The following RTL10 variants were observed in gnomAD, a reference collection of about 807,000 sequenced individuals.
RTL10 encodes protein Bop.
For missense variants in RTL10, 477 were observed against 470.7 expected (o/e 1.01, Z -0.12); for synonymous variants, 199 against 188.4 (o/e 1.06, Z -0.46).
chr22:19,852,223 A>G lies in RTL10; in HGVS notation c.39T>C (p.Ile13=), dbSNP rs975879089. 17 of 1,612,662 alleles carry G rather than the reference A, an allele frequency of 1.1e-5. No individual in the cohort carries two copies. The African/African-American group carries it at 2.1e-4, about 20-fold the overall frequency. The part of the protein sequence containing the change: ...RGRCRQQGPR[I]PIWAAANYAN... ...CATAATTGGCGGCTGCCCAGATGGGAATGCGAGGGCCCTGCTGACGGCACC... is the reference window on the plus strand; with the variant it reads ...CATAATTGGCGGCTGCCCAGATGGGGATGCGAGGGCCCTGCTGACGGCACC... Residue 13 remains isoleucine (I), a synonymous_variant, in exon 3 of 3, where the codon ATT becomes ATC. Coordinates refer to ENST00000328554, the MANE Select transcript of RTL10 (RefSeq NM_024627.6).
In RTL10 at chr22:19,846,929, C is replaced by T; in HGVS notation, c.*4238G>A. 1.0e-6 allele frequency: 1 copy of T among 985,418 alleles called. No individual in the cohort carries two copies. Among genetic ancestry groups the T allele is most frequent in the Non-Finnish European group, 1.2e-6 (1 of 829,928 alleles). The allele number at this position is 985,418 out of a possible 1,614,324, so 61.0% of individuals were successfully genotyped here. On this transcript the variant is annotated 3_prime_UTR_variant, in exon 3 of 3. Transcript: ENST00000328554. ...CCCAGCAGACAAACAGGTATGTTGC[C>T]CTGGGATGGATGCAGGCCCCTCCCA...
chr22:19,851,895 C>A lies in RTL10; in HGVS notation c.367G>T (p.Asp123Tyr), dbSNP rs34027839. 8,557 of 1,614,086 alleles carry A rather than the reference C, an allele frequency of 5.3e-3. 101 individuals carry two copies. Among genetic ancestry groups the A allele is most frequent in the African/African-American group, 0.045 (3,355 of 75,064 alleles). The part of the protein sequence containing the change: ...LLDRFLAQLG[D>Y]YMSFHFEHYQ... ...TGCTCAAAGTGGAAGGACATGTAAT[C>A]GCCCAGCTGGGCCAAGAAGCGGTCC... Residue 123 changes from aspartate (D) to tyrosine (Y), a missense_variant, in exon 3 of 3, where the codon GAT becomes TAT. By Grantham distance (160) the Asp-to-Tyr change is radical (BLOSUM62 -3). Transcript: ENST00000328554.
rs143706825 is a variant in RTL10, at chr22:19,852,083, G to A, written c.179C>T (p.Thr60Met). 67 of 1,614,102 alleles carry A rather than the reference G, an allele frequency of 4.2e-5. No homozygotes were observed. In the African/African-American group the frequency reaches 5.1e-4, roughly 12 times the overall value. ...AGCTGTGCTCTTCTGCTCCATGGTCGTTCGCACACACACGGTGTCCCCACA... is the reference window on the plus strand; with the variant it reads ...AGCTGTGCTCTTCTGCTCCATGGTCATTCGCACACACACGGTGTCCCCACA... ...PCCGDTVCVR[T>M]TMEQKSTASG... is the part of the protein sequence containing the mutation. Residue 60 changes from threonine to methionine, a missense_variant, in exon 3 of 3, where the codon ACG (threonine) becomes ATG (methionine). Coordinates refer to ENST00000328554, the MANE Select transcript of RTL10 (RefSeq NM_024627.6).
At position 19,852,173 on chromosome 22, in the gene RTL10, A is replaced by C. The variant is rs761608833; in HGVS notation, c.89T>G (p.Met30Arg). Residue 30 changes from methionine (M) to arginine (R), a missense_variant, in exon 3 of 3, where the codon ATG (methionine) becomes AGG (arginine). Met to Arg is a moderately conservative substitution (Grantham distance 91). Coordinates refer to ENST00000328554, the MANE Select transcript of RTL10 (RefSeq NM_024627.6). ...NYANAHPWQQ[M>R]DKASPGVAYT... ...TGCCACCCCAGGAGACGCCTTGTCC[A>C]TCTGCTGCCATGGATGTGCGTTGGC... 3 of 1,613,996 alleles carry C rather than the reference A, an allele frequency of 1.9e-6. No individual in the cohort carries two copies. The highest frequency in any genetic ancestry group is 3.3e-5 in the Admixed American group (2 of 60,026).
rs1169758196 is a variant in RTL10 at position 19,847,945 on chromosome 22, C to T, written c.*3222G>A. 3.0e-6 allele frequency: 3 copies of T among 985,084 alleles called. No homozygotes were observed. In the African/African-American group the frequency reaches 5.2e-5, roughly 17 times the overall value. The allele number at this position is 985,084 out of a possible 1,614,324, so 61.0% of individuals were successfully genotyped here. The stretch of plus-strand genomic sequence containing the variant: ...GCTTTACTATTTTCCAGAGGGCCAA[C>T]TGCTTTTACTGAATAATCCATTTTA... On this transcript the variant is annotated 3_prime_UTR_variant, in exon 3 of 3. Transcript: ENST00000328554.
chr22:19,849,787 T>G lies in RTL10; in HGVS notation c.*1380A>C, dbSNP rs2145904844. The G allele has an allele frequency of 1.0e-6, 1 of 985,474 alleles. No individual in the cohort carries two copies. Among genetic ancestry groups the G allele is most frequent in the East Asian group, 1.1e-4 (1 of 8,824 alleles). The allele number at this position is 985,474 out of a possible 1,614,324, so 61.0% of individuals were successfully genotyped here. A position where few individuals can be genotyped will look rare whatever the true frequency, so the allele number is the denominator to read the frequency against. ...TTTCCAGGAAGGTGTTGTTTTGTTG[T>G]TTTCACAATTGTAAACCTGAAAGGG... is the stretch of plus-strand genomic sequence containing the variant. On this transcript the variant is annotated 3_prime_UTR_variant, in exon 3 of 3. Coordinates refer to ENST00000328554, the MANE Select transcript of RTL10 (RefSeq NM_024627.6).
rs1938048102 is a variant in RTL10, at chr22:19,849,607, T to C, written c.*1560A>G. 1.2e-6 allele frequency: 1 copy of C among 804,040 alleles called. No individual in the cohort carries two copies. The highest frequency in any genetic ancestry group is 1.9e-5 in the African/African-American group (1 of 53,754). 49.8% of individuals were successfully genotyped at this position (804,040 alleles called of 1,614,324 possible). ...GTCTTGAACTCCTGACCTCAGGTGA[T>C]CCACCCACCTTGGCCTCCCAGAGTG... is the stretch of plus-strand genomic sequence containing the variant. On this transcript the variant is annotated 3_prime_UTR_variant, in exon 3 of 3. Transcript: ENST00000328554.
Position 19,852,242 on chromosome 22 carries a change from C to A in RTL10, c.20G>T (p.Arg7Leu), listed in dbSNP as rs780270208. The A allele has an allele frequency of 6.2e-7, 1 of 1,607,980 alleles. No homozygotes were observed. The highest frequency in any genetic ancestry group is 1.3e-5 in the African/African-American group (1 of 74,890). The change falls in exon 3 of 3, where the codon CGT (arginine) becomes CTT (leucine). Residue 7 changes from arginine (R) to leucine (L), a missense_variant. Physicochemically the swap from Arg to Leu is moderately radical, Grantham distance 102 (BLOSUM62 -2). Transcript: ENST00000328554. MPRGRC[R>L]QQGPRIPIWA... ...GATGGGAATGCGAGGGCCCTGCTGA[C>A]GGCACCGGCCACGAGGCATGCTGGG...
chr22:19,849,867 G>C lies in RTL10; in HGVS notation c.*1300C>G. 1.0e-6 allele frequency: 1 copy of C among 985,416 alleles called. No homozygotes were observed. The highest frequency in any genetic ancestry group is 1.2e-6 in the Non-Finnish European group (1 of 829,944). 61.0% of individuals were successfully genotyped at this position (985,416 alleles called of 1,614,324 possible). A position where few individuals can be genotyped will look rare whatever the true frequency, so the allele number is the denominator to read the frequency against. On this transcript the variant is annotated 3_prime_UTR_variant, in exon 3 of 3. Coordinates refer to ENST00000328554, the MANE Select transcript of RTL10 (RefSeq NM_024627.6). The stretch of plus-strand genomic sequence containing the variant: ...GGGCACACACTGCACACACTGGGCG[G>C]CTGTACCTGCCTATCCTGTGGTAAA...
Position 19,851,343 on chromosome 22 carries a change from C to G in RTL10, c.919G>C (p.Ala307Pro). Residue 307 changes from alanine to proline, a missense_variant, in exon 3 of 3, where the codon GCT becomes CCT. Coordinates refer to ENST00000328554, the MANE Select transcript of RTL10 (RefSeq NM_024627.6). The part of the protein sequence containing the change: ...PTPVPRLSES[A>P]NPPAQRPDPA... ...TCTGGTCTCTGGGCAGGAGGATTAG[C>G]TGACTCCGACAGTCTAGGGACAGGT... The G allele has an allele frequency of 1.2e-6, 2 of 1,614,176 alleles. No individual in the cohort carries two copies. Among genetic ancestry groups the G allele is most frequent in the African/African-American group, 2.7e-5 (2 of 75,038 alleles).
chr22:19,850,405 C>G lies in RTL10; in HGVS notation c.*762G>C. 1 of 990,544 alleles carries G rather than the reference C, an allele frequency of 1.0e-6. No homozygotes were observed. The highest frequency in any genetic ancestry group is 1.2e-6 in the Non-Finnish European group (1 of 833,568). 61.4% of individuals were successfully genotyped at this position (990,544 alleles called of 1,614,324 possible). A position where few individuals can be genotyped will look rare whatever the true frequency, so the allele number is the denominator to read the frequency against. ...GCAATGCATGCGAGTGCGGAGTGAG[C>G]AGGGGATGGCAGCACAGCAGCAGGG... On this transcript the variant is annotated 3_prime_UTR_variant, in exon 3 of 3. Coordinates refer to ENST00000328554, the MANE Select transcript of RTL10 (RefSeq NM_024627.6).
rs945228974 is a variant in RTL10 at position 19,847,490 on chromosome 22, C to T, written c.*3677G>A. 34 of 985,314 alleles carry T rather than the reference C, an allele frequency of 3.5e-5. No homozygotes were observed. The highest frequency in any genetic ancestry group is 4.0e-5 in the Non-Finnish European group (33 of 829,978). 61.0% of individuals were successfully genotyped at this position (985,314 alleles called of 1,614,324 possible). A position where few individuals can be genotyped will look rare whatever the true frequency, so the allele number is the denominator to read the frequency against. ...CATCATTCTCATTCAACCCTTCTAA[C>T]CACCCCATGAGGAAAAACTCTGGTC... On this transcript the variant is annotated 3_prime_UTR_variant, in exon 3 of 3. Transcript: ENST00000328554.
chr22:19,847,616 C>T lies in RTL10; in HGVS notation c.*3551G>A, dbSNP rs1937990972. On this transcript the variant is annotated 3_prime_UTR_variant, in exon 3 of 3. Transcript: ENST00000328554. ...GCTCTAAACCCCCATGTAGTGGTACCGAACCATGACCACCCCTGGCAAGAG... is the reference window on the plus strand; with the variant it reads ...GCTCTAAACCCCCATGTAGTGGTACTGAACCATGACCACCCCTGGCAAGAG... The T allele has an allele frequency of 8.2e-6, 8 of 971,000 alleles. No homozygotes were observed. The highest frequency in any genetic ancestry group is 1.8e-5 in the African/African-American group (1 of 54,138). 60.1% of individuals were successfully genotyped at this position (971,000 alleles called of 1,614,324 possible). A position where few individuals can be genotyped will look rare whatever the true frequency, so the allele number is the denominator to read the frequency against.
At position 19,851,950 on chromosome 22, in the gene RTL10, T is replaced by C. The variant is rs1460389339; in HGVS notation, c.312A>G (p.Pro104=). ...GCCACGGGGAGCCATCAAAGGTGCC[T>C]GGGTCTGAGCCTGGTACCCAGCAGA... The part of the protein sequence containing the change: ...VDFCWVPGSD[P]GTFDGSPWLL... The change falls in exon 3 of 3, where the codon CCA becomes CCG. Residue 104 remains proline, a synonymous_variant. Coordinates refer to ENST00000328554, the MANE Select transcript of RTL10 (RefSeq NM_024627.6). 3 of 1,614,116 alleles carry C rather than the reference T, an allele frequency of 1.9e-6. No homozygotes were observed. The highest frequency in any genetic ancestry group is 2.5e-6 in the Non-Finnish European group (3 of 1,179,962).
Position 19,851,486 on chromosome 22 carries a change from A to G in RTL10, c.776T>C (p.Leu259Pro). The G allele has an allele frequency of 1.9e-6, 3 of 1,614,158 alleles. No individual in the cohort carries two copies. The highest frequency in any genetic ancestry group is 1.7e-6 in the Non-Finnish European group (2 of 1,180,024). ...GGGCCCAGGGGTGCTCTCCTTGGTC[A>G]GCTGCTGCTCGAACAGAGCACTTCT... is the stretch of plus-strand genomic sequence containing the variant. Reference protein sequence around the residue: ...VSRSALFEQQLTKESTPGPKE... With the variant: ...VSRSALFEQQPTKESTPGPKE... Residue 259 changes from leucine (L) to proline (P), a missense_variant, in exon 3 of 3, where the codon CTG (leucine) becomes CCG (proline). Leu to Pro is a moderately conservative substitution (Grantham distance 98). Coordinates refer to ENST00000328554, the MANE Select transcript of RTL10 (RefSeq NM_024627.6).
chr22:19,847,341 C>T lies in RTL10; in HGVS notation c.*3826G>A, dbSNP rs1937984034. On this transcript the variant is annotated 3_prime_UTR_variant, in exon 3 of 3. Transcript: ENST00000328554. ...GCTGACTGATCCTGCAGGGTAACAG[C>T]TTTATTTGCCTTGCTCCTTTATTGC... The T allele has an allele frequency of 2.0e-6, 2 of 985,346 alleles. No individual in the cohort carries two copies. The highest frequency in any genetic ancestry group is 4.7e-5 in the South Asian group (1 of 21,294). 61.0% of individuals were successfully genotyped at this position (985,346 alleles called of 1,614,324 possible).
At position 19,851,256 on chromosome 22, in the gene RTL10, CCT is replaced by C; in HGVS notation, c.1004_1005del (p.Glu335GlyfsTer136). On this transcript the variant is annotated frameshift_variant, in exon 3 of 3. Coordinates refer to ENST00000328554, the MANE Select transcript of RTL10 (RefSeq NM_024627.6). LOFTEE classifies it low-confidence loss of function (END_TRUNC). ...QKTEEEVLET[E>X]GDQEVSLGTP... The stretch of plus-strand genomic sequence containing the variant: ...GTACCTAAGGACACCTCCTGGTCTC[CCT>C]CTGTCTCCAAAACCTCCTCCTCTGT... 8 of 1,608,698 alleles carry C rather than the reference CCT, an allele frequency of 5.0e-6. No homozygotes were observed. Among genetic ancestry groups the C allele is most frequent in the Non-Finnish European group, 5.9e-6 (7 of 1,177,304 alleles).
At position 19,846,448 on chromosome 22, in the gene RTL10, T is replaced by C. The variant is rs911765673; in HGVS notation, c.*4719A>G. Reference sequence around the variant, plus strand: ...GCTTGGCCATCCCCACTCCTCAGTATGGGCCCCAGAACCCAGGGCCTGGGG... The same window carrying C: ...GCTTGGCCATCCCCACTCCTCAGTACGGGCCCCAGAACCCAGGGCCTGGGG... On this transcript the variant is annotated 3_prime_UTR_variant, in exon 3 of 3. Coordinates refer to ENST00000328554, the MANE Select transcript of RTL10 (RefSeq NM_024627.6). 1.5e-5 allele frequency: 15 copies of C among 985,328 alleles called. No homozygotes were observed. The highest frequency in any genetic ancestry group is 1.7e-5 in the Non-Finnish European group (14 of 829,852). The allele number at this position is 985,328 out of a possible 1,614,324, so 61.0% of individuals were successfully genotyped here.
Position 19,846,424 on chromosome 22 carries a change from C to G in RTL10, c.*4743G>C. 1 of 985,402 alleles carries G rather than the reference C, an allele frequency of 1.0e-6. No individual in the cohort carries two copies. The highest frequency in any genetic ancestry group is 1.7e-5 in the African/African-American group (1 of 57,376). 61.0% of individuals were successfully genotyped at this position (985,402 alleles called of 1,614,324 possible). A position where few individuals can be genotyped will look rare whatever the true frequency, so the allele number is the denominator to read the frequency against. On this transcript the variant is annotated 3_prime_UTR_variant, in exon 3 of 3. Coordinates refer to ENST00000328554, the MANE Select transcript of RTL10 (RefSeq NM_024627.6). ...GGCACTGCCTACTCAACAGCCAAGG[C>G]TTGGCCATCCCCACTCCTCAGTATG...
Sources: gnomAD v4.1 joint callset for allele counts on GRCh38, gnomAD v4.1.1 for gene constraint, MANE v1.5 for transcripts, NCBI Gene and HGNC (gene_info 2026-07-23, HGNC 2026-07-21) for gene names.